The following SEMA4F variants were observed in gnomAD, a reference collection of about 807,000 sequenced individuals.
SEMA4F encodes the protein semaphorin-4F.
In SEMA4F, 51 loss-of-function variants were observed where a neutral mutation model predicts 78.4. The observed-to-expected ratio is 0.65, with a 90% confidence interval of 0.52 to 0.82. The LOEUF is 0.82. Ranked by LOEUF, SEMA4F falls within the 40% of genes least tolerant of loss-of-function variation. SEMA4F has a pLI of 0.00. For synonymous variants in SEMA4F, 418 were observed against 408.7 expected, an observed-to-expected ratio of 1.02 and a Z score of -0.27; for missense variants, 938 against 1,014.4, an observed-to-expected ratio of 0.92 and a Z score of 1.02.
At position 74,675,119 on chromosome 2, in the gene SEMA4F, C is replaced by T. The variant is rs191493578; in HGVS notation, c.1150-43C>T. 2,513 of 1,613,612 alleles carry T rather than the reference C, an allele frequency of 1.6e-3. 19 individuals are homozygous for T. Among genetic ancestry groups the T allele is most frequent in the Middle Eastern group, 5.1e-3 (31 of 6,062 alleles). ...CCCCACTAAGCATCACTGGCATGTC[C>T]TGTTCCTGGGAAACTTTGTCACCAG... On this transcript the variant is annotated intron_variant, in intron 9 of 13. Coordinates refer to ENST00000357877, the MANE Select transcript of SEMA4F (RefSeq NM_004263.5).
the SEMA4F span, among the ~76,000 whole-genome samples, chr2:74,700,711 A>G: frequency 6.6e-6 from 1 of 152,218 alleles, no homozygotes; most frequent in Non-Finnish European, 1.5e-5. Flanking sequence ...TTCAGTTGGA[A>G]GAGCAGAGCT....
chr2:74,687,128 C>T (rs1685840805), downstream of SEMA4F, among the ~76,000 whole-genome samples: 1 of 152,210 alleles, frequency 6.6e-6, no homozygotes, highest in Admixed American at 6.5e-5. Context: ...GGACCTCTGT[C>T]CATCTATCTA....
intron 4 of SEMA4F, among the ~76,000 whole-genome samples, chr2:74,659,220 G>A (rs1684311448): frequency 6.6e-6 from 1 of 152,180 alleles, no homozygotes; most frequent in Non-Finnish European, 1.5e-5. Context: ...TTATAAGGTA[G>A]CAATGGTACT....
At chr2:74,677,259 G>T (rs538170837) in intron 12 of SEMA4F, among the ~76,000 whole-genome samples, 63 of 152,270 alleles carry the variant, frequency 4.1e-4, no homozygotes, top group African/African-American at 1.5e-3. Context: ...AAAGTAGAGA[G>T]AATTGTATAA....
At chr2:74,686,714 C>T (rs181480513), downstream of SEMA4F, among the ~76,000 whole-genome samples, 350 of 152,312 alleles carry the variant, frequency 2.3e-3, no homozygotes, top group Middle Eastern at 6.8e-3. Context: ...AGAATGAATT[C>T]ATGTCCTTTG....
At chr2:74,664,562 G>C (rs781131555) in intron 5 of SEMA4F, among the ~76,000 whole-genome samples, 1 of 151,922 alleles carries the variant, frequency 6.6e-6, no homozygotes. Context: ...TTCTAGAAAG[G>C]GTATACCAAT....
chr2:74,673,675 A>T lies in SEMA4F; in HGVS notation c.671-2A>T. 1 of 1,613,662 alleles carries T rather than the reference A, an allele frequency of 6.2e-7. No homozygotes were observed. Among genetic ancestry groups the T allele is most frequent in the Non-Finnish European group, 8.5e-7 (1 of 1,179,726 alleles). ...AGGATCTGAGGCCACTGGTATTCCCAGCCCCAGCCTTTGTCGCAGCCGTGG... is the reference window on the plus strand; with the variant it reads ...AGGATCTGAGGCCACTGGTATTCCCTGCCCCAGCCTTTGTCGCAGCCGTGG... On this transcript the variant is annotated splice_acceptor_variant, in intron 6 of 13. Coordinates refer to ENST00000357877, the MANE Select transcript of SEMA4F (RefSeq NM_004263.5). LOFTEE classifies it high-confidence loss of function.
Position 74,679,918 on chromosome 2 carries a change from C to T in SEMA4F, c.2022C>T (p.Ser674=), listed in dbSNP as rs1356082974. ...TCTTCTTGGGGATTCTCGCAGCATC[C>T]CTGACTCTCATTCTGATTGGTCGGC... The part of the protein sequence containing the change: ...AGFFLGILAA[S]LTLILIGRRQ... Residue 674 remains serine, a synonymous_variant, in exon 14 of 14, where the codon TCC becomes TCT. Coordinates refer to ENST00000357877, the MANE Select transcript of SEMA4F (RefSeq NM_004263.5). 3 of 1,614,074 alleles carry T rather than the reference C, an allele frequency of 1.9e-6. No homozygotes were observed. Among genetic ancestry groups the T allele is most frequent in the Non-Finnish European group, 1.7e-6 (2 of 1,180,054 alleles).
At position 74,683,840 on chromosome 2, in the gene SEMA4F, T is replaced by A. The variant is rs1685742272; in HGVS notation, c.*3631T>A. ...ACTTGATTAAATAAATAAATAGAAA[T>A]AGTTTTTGTACCTATGAGTTTGTGG... On this transcript the variant is annotated 3_prime_UTR_variant, in exon 14 of 14. Transcript: ENST00000357877. 6.6e-6 allele frequency: 1 copy of A among 152,112 alleles called. No individual in the cohort carries two copies. The allele number at this position is 152,112 out of a possible 1,614,324, so 9.4% of individuals were successfully genotyped here.
chr2:74,685,789 G>A (rs75827581), downstream of SEMA4F, among the ~76,000 whole-genome samples: 749 of 152,172 alleles, frequency 4.9e-3, 11 homozygotes, highest in African/African-American at 0.016. Flanking sequence ...AAATAAGATC[G>A]GAGAAAATTT....
At chr2:74,692,107 C>G in the SEMA4F span, among the ~76,000 whole-genome samples, 1 of 152,162 alleles carries the variant, frequency 6.6e-6, no homozygotes, top group Non-Finnish European at 1.5e-5. Context: ...TGGATTATGA[C>G]TCAAGTTGAC....
chr2:74,691,082 G>GA, the SEMA4F span, among the ~76,000 whole-genome samples: 21 of 152,330 alleles, frequency 1.4e-4, no homozygotes, highest in African/African-American at 4.8e-4. Flanking sequence ...AAGTTCATTA[G>GA]AAAACTGAAG....
rs747270185 is a variant in SEMA4F, at chr2:74,675,813, T to A, written c.1547T>A (p.Leu516His). Reference protein sequence around the residue: ...TQVNTTNCGRLQSCSECILAQ... With the variant: ...TQVNTTNCGRHQSCSECILAQ... ...GTGAATACAACCAACTGTGGCCGTC[T>A]CCAGAGCTGCTCAGAGTGCATCCTG... Residue 516 changes from leucine to histidine, a missense_variant, in exon 12 of 14, where the codon CTC (leucine) becomes CAC (histidine). Leu to His is a moderately conservative substitution (Grantham distance 99, BLOSUM62 -3). Coordinates refer to ENST00000357877, the MANE Select transcript of SEMA4F (RefSeq NM_004263.5). 3.1e-6 allele frequency: 5 copies of A among 1,614,208 alleles called. No individual in the cohort carries two copies. The highest frequency in any genetic ancestry group is 3.4e-6 in the Non-Finnish European group (4 of 1,180,044).
At chr2:74,698,755 T>C in the SEMA4F span, among the ~76,000 whole-genome samples, 1 of 152,188 alleles carries the variant, frequency 6.6e-6, no homozygotes, top group South Asian at 2.1e-4. Context: ...TATCAGTCCT[T>C]CCCACTTGAG....
At chr2:74,691,753 A>G in the SEMA4F span, among the ~76,000 whole-genome samples, 3 of 152,226 alleles carry the variant, frequency 2.0e-5, no homozygotes, top group Non-Finnish European at 4.4e-5. Context: ...GTATTGGTGC[A>G]TTAATTCCTG....
rs1221963433 is a variant in SEMA4F, at chr2:74,655,436, G to A, written c.145+915G>A. ...CCTTGTTGTCTTCTCAGTGGGCATT[G>A]AGTGTTATTAGCACCTTGGGCAGAC... On this transcript the variant is annotated intron_variant, in intron 1 of 13. Coordinates refer to ENST00000357877, the MANE Select transcript of SEMA4F (RefSeq NM_004263.5). 4.5e-5 allele frequency: 10 copies of A among 222,420 alleles called. No individual in the cohort carries two copies. In the East Asian group the frequency reaches 1.3e-3, roughly 28 times the overall value. The allele number at this position is 222,420 out of a possible 1,614,324, so 13.8% of individuals were successfully genotyped here.
At chr2:74,664,299 A>C (rs1303218356) in intron 5 of SEMA4F, among the ~76,000 whole-genome samples, 1 of 152,216 alleles carries the variant, frequency 6.6e-6, no homozygotes, top group Non-Finnish European at 1.5e-5. Flanking sequence ...ATAATTTAAA[A>C]ATTCATTGTA....
At chr2:74,698,722 G>A in the SEMA4F span, among the ~76,000 whole-genome samples, 1 of 152,170 alleles carries the variant, frequency 6.6e-6, no homozygotes, top group African/African-American at 2.4e-5. Context: ...AGAAAGTCAT[G>A]CCATGGTGAG....
At chr2:74,671,700 C>A (rs937767591) in intron 5 of SEMA4F, among the ~76,000 whole-genome samples, 2 of 152,222 alleles carry the variant, frequency 1.3e-5, no homozygotes, top group Admixed American at 1.3e-4. Flanking sequence ...TGACTGATAT[C>A]CTGAAGGCAC....
Sources: allele counts gnomAD v4.1 joint callset (sites outside exome capture counted in the v4.1 genomes callset), GRCh38; gene constraint gnomAD v4.1.1; transcripts MANE v1.5; gene names NCBI Gene and HGNC (gene_info 2026-07-23, HGNC 2026-07-21).